ABCA1: variants seen among roughly 807,000 people sequenced by gnomAD.
The protein encoded by ABCA1 is ATP binding cassette subfamily A member 1.
Under a neutral mutation model 262.5 loss-of-function variants are expected in ABCA1, and 133 were observed. That is an observed-to-expected ratio of 0.51 (90% CI 0.44 to 0.59). The LOEUF (loss-of-function observed/expected upper bound fraction) is 0.59. Ranked by LOEUF, ABCA1 falls within the 20% of genes least tolerant of loss-of-function variation. The probability of loss-of-function intolerance (pLI) is 0.00; values close to 1 mark genes in which losing one functional copy is unlikely to be tolerated. For synonymous variants in ABCA1, 1,022 were observed against 1,043.5 expected, an observed-to-expected ratio of 0.98 and a Z score of 0.40; for missense variants, 2,452 against 2,777.5, an observed-to-expected ratio of 0.88 and a Z score of 2.63.
intron 8 of ABCA1, among the ~76,000 whole-genome samples, chr9:104,842,573 C>A (rs1834476214): frequency 6.6e-6 from 1 of 152,314 alleles, no homozygotes; most frequent in African/African-American, 2.4e-5. Flanking sequence ...TACACCTCAG[C>A]TCACACTCCA....
At chr9:104,830,010 A>G (rs899700529) in intron 14 of ABCA1, among the ~76,000 whole-genome samples, 6 of 151,828 alleles carry the variant, frequency 4.0e-5, no homozygotes, top group Admixed American at 3.3e-4. Flanking sequence ...ACCACAGAGA[A>G]TAAGAGAATT....
rs73517870 is a variant in ABCA1, at chr9:104,783,920, A to T, written c.*395T>A. 0.048 allele frequency: 9,005 copies of T among 189,092 alleles called. 709 individuals are homozygous for T. The highest frequency in any genetic ancestry group is 0.18 in the African/African-American group (7,375 of 41,964). The allele number at this position is 189,092 out of a possible 1,614,324, so 11.7% of individuals were successfully genotyped here. A position where few individuals can be genotyped will look rare whatever the true frequency, so the allele number is the denominator to read the frequency against. On this transcript the variant is annotated 3_prime_UTR_variant, in exon 50 of 50. Transcript: ENST00000374736. ...GAATGAGGATGTGCATTACCTTTTGATTTTGATCAATAATCGCTGGCCATG... is the reference window on the plus strand; with the variant it reads ...GAATGAGGATGTGCATTACCTTTTGTTTTTGATCAATAATCGCTGGCCATG...
intron 1 of ABCA1, among the ~76,000 whole-genome samples, chr9:104,909,710 C>A (rs373443263): frequency 2.0e-5 from 3 of 151,788 alleles, no homozygotes; most frequent in Non-Finnish European, 1.5e-5. Flanking sequence ...GCACCTGGCA[C>A]GTGTTCTCCC....
chr9:104,837,299 G>GT, intron 10 of ABCA1, 129 bp downstream of exon 10: 1 of 1,348,654 alleles, frequency 7.4e-7, no homozygotes, highest in East Asian at 2.4e-5. Flanking sequence ...CAGACTTGAG[G>GT]TTTTCACTCT....
intron 5 of ABCA1, among the ~76,000 whole-genome samples, chr9:104,873,811 C>T (rs1738977493): frequency 6.6e-6 from 1 of 152,162 alleles, no homozygotes; most frequent in South Asian, 2.1e-4. Flanking sequence ...CCACAATAGT[C>T]CTGAGGGAGG....
At chr9:104,821,264 G>C (rs939396130) in intron 20 of ABCA1, 111 bp downstream of exon 20, 2 of 1,480,162 alleles carry the variant, frequency 1.4e-6, no homozygotes, top group Non-Finnish European at 9.1e-7. Context: ...AAGAAAAAAA[G>C]AAAAAACAAA....
chr9:104,915,767 G>C (rs1171212289), intron 1 of ABCA1, among the ~76,000 whole-genome samples: 2 of 152,114 alleles, frequency 1.3e-5, no homozygotes, highest in Non-Finnish European at 2.9e-5. Context: ...GCCTCCTTCT[G>C]TCAACTGTAG....
intron 36 of ABCA1, 115 bp downstream of exon 36, chr9:104,799,704 C>T (rs1830176392): frequency 1.9e-6 from 3 of 1,593,626 alleles, no homozygotes; most frequent in African/African-American, 1.3e-5. Context: ...CCAGATTTAT[C>T]ATAATATAAC....
At chr9:104,849,766 A>G (rs1183555539) in intron 7 of ABCA1, among the ~76,000 whole-genome samples, 1 of 152,238 alleles carries the variant, frequency 6.6e-6, no homozygotes, top group Admixed American at 6.5e-5. Flanking sequence ...GACTAGAAGC[A>G]TGGATTTTTA....
rs1564116658 is a variant in ABCA1, at chr9:104,814,124, C to T, written c.3895G>A (p.Asp1299Asn). 6.2e-7 allele frequency: 1 copy of T among 1,614,120 alleles called. No homozygotes were observed. Among genetic ancestry groups the T allele is most frequent in the Non-Finnish European group, 8.5e-7 (1 of 1,180,014 alleles). Residue 1299 changes from aspartate to asparagine, a missense_variant, in exon 27 of 50, where the codon GAC becomes AAC. Asp to Asn is a conservative substitution (Grantham distance 23, BLOSUM62 1). Transcript: ENST00000374736. The stretch of plus-strand genomic sequence containing the variant: ...TGATCTTGCCCTAACAGACCTGGGT[C>T]TATGTCAGAATCATTTGGATCAGCA... The part of the protein sequence containing the change: ...DAADPNDSDI[D>N]PESRETDLLS...
In ABCA1 at chr9:104,800,130, T is replaced by C. The variant is rs1042079682; in HGVS notation, c.4774-142A>G. The C allele has an allele frequency of 9.5e-6, 9 of 945,490 alleles. 1 individual carries two copies. In the Middle Eastern group the frequency reaches 9.3e-4, roughly 98 times the overall value. 58.6% of individuals were successfully genotyped at this position (945,490 alleles called of 1,614,324 possible). A position where few individuals can be genotyped will look rare whatever the true frequency, so the allele number is the denominator to read the frequency against. On this transcript the variant is annotated intron_variant, in intron 35 of 49. Transcript: ENST00000374736. Reference sequence around the variant, plus strand: ...GGCAAAACACTATGATCAGAGAATATGGCGAAGTAATTACAGTGTTCAGGA... The same window carrying C: ...GGCAAAACACTATGATCAGAGAATACGGCGAAGTAATTACAGTGTTCAGGA...
chr9:104,895,569 A>T (rs1305241815), intron 2 of ABCA1, among the ~76,000 whole-genome samples: 3 of 152,218 alleles, frequency 2.0e-5, no homozygotes, highest in African/African-American at 7.2e-5. Context: ...TAGAGTTATT[A>T]TGAGAATTAA....
intron 11 of ABCA1, among the ~76,000 whole-genome samples, chr9:104,835,221 C>G (rs184199917): frequency 6.7e-6 from 1 of 149,154 alleles, no homozygotes; most frequent in African/African-American, 2.5e-5. Flanking sequence ...GCATTTCAGC[C>G]TGGGTGACAG....
chr9:104,862,654 CGGGCCGGGCCGGGCCGGG>C (rs1836608262), intron 5 of ABCA1, among the ~76,000 whole-genome samples: 1 of 7,512 alleles, frequency 1.3e-4, no homozygotes, highest in African/African-American at 6.6e-4. Flanking sequence ...CGGGCCGGGC[CGGGCCGGGCCGGGCCGGG>C]CCGGGCCGGG....
chr9:104,821,330 A>G, intron 20 of ABCA1, 45 bp downstream of exon 20: 1 of 1,608,980 alleles, frequency 6.2e-7, no homozygotes, highest in Non-Finnish European at 8.5e-7. Context: ...CATGACACAC[A>G]CACATCCAGA....
intron 8 of ABCA1, 30 bp from the exon 9 acceptor site, chr9:104,840,549 G>C (rs896150952): frequency 1.2e-6 from 2 of 1,604,072 alleles, no homozygotes; most frequent in Admixed American, 1.7e-5. Flanking sequence ...CAGAAAGGAG[G>C]GTAGGGGAAG....
In ABCA1 at chr9:104,812,675, A is replaced by G. The variant is rs1831383553; in HGVS notation, c.3949T>C (p.Tyr1317His). ...GTAAGTTTCCAGCCTTTCACCTGGT[A>G]GGACCCTTTGCCATCCATCCCACTG... The part of the protein sequence containing the change: ...LLSGMDGKGS[Y>H]QVKGWKLTQQ... The change falls in exon 28 of 50, where the codon TAC becomes CAC. Residue 1317 changes from tyrosine (Y) to histidine (H), a missense_variant. Coordinates refer to ENST00000374736, the MANE Select transcript of ABCA1 (RefSeq NM_005502.4). The G allele has an allele frequency of 6.2e-7, 1 of 1,614,144 alleles. No homozygotes were observed. The highest frequency in any genetic ancestry group is 1.1e-5 in the South Asian group (1 of 91,086).
chr9:104,844,498 G>A (rs1834684688), intron 8 of ABCA1, among the ~76,000 whole-genome samples: 1 of 152,056 alleles, frequency 6.6e-6, no homozygotes, highest in African/African-American at 2.4e-5. Context: ...CAGCATTTTT[G>A]TATTTTCCAA....
rs771661583 is a variant in ABCA1, at chr9:104,883,100, G to C, written c.360C>G (p.Thr120=). Residue 120 remains threonine (T), a synonymous_variant, in exon 5 of 50, where the codon ACC becomes ACG. Transcript: ENST00000374736. The part of the protein sequence containing the change: ...RRLLLYSQKD[T]SMKDMRKVLR... ...GAACTTTGCGCATGTCCTTCATGCT[G>C]GTGTCTTTCTGGCTGTATAAAAGAA... 8 of 1,613,934 alleles carry C rather than the reference G, an allele frequency of 5.0e-6. No homozygotes were observed. Among genetic ancestry groups the C allele is most frequent in the Admixed American group, 1.7e-5 (1 of 60,002 alleles).
Sources: allele counts gnomAD v4.1 joint callset (sites outside exome capture counted in the v4.1 genomes callset), GRCh38; gene constraint gnomAD v4.1.1; transcripts MANE v1.5; gene names NCBI Gene and HGNC (gene_info 2026-07-23, HGNC 2026-07-21).